The following LAMB1 variants were observed in gnomAD, a reference collection of about 807,000 sequenced individuals.
The protein encoded by LAMB1 is laminin subunit beta-1.
A neutral mutation model predicts 222.3 loss-of-function variants in LAMB1; 121 were observed. The ratio of observed to expected loss-of-function variants is 0.54; its 90% confidence interval spans 0.47 to 0.63. LAMB1 has a LOEUF of 0.63. Among genes scored for constraint, LAMB1 ranks in the 30% least tolerant of loss-of-function variants. The pLI is 0.00. For synonymous variants in LAMB1, 794 were observed against 807.2 expected (o/e 0.98, Z 0.28); for missense variants, 2,172 against 2,240.8 (o/e 0.97, Z 0.62).
At chr7:107,954,180 G>A (rs1357303598) in intron 21 of LAMB1, among the ~76,000 whole-genome samples, 1 of 151,832 alleles carries the variant, frequency 6.6e-6, no homozygotes, top group Non-Finnish European at 1.5e-5. Context: ...TAAGACATGG[G>A]GCCTTGCTTT....
chr7:107,934,316 T>G (rs2032787558), intron 27 of LAMB1, among the ~76,000 whole-genome samples: 1 of 152,216 alleles, frequency 6.6e-6, no homozygotes, highest in South Asian at 2.1e-4. Flanking sequence ...GACAAAGCTG[T>G]AATGAAGTTT....
At chr7:107,925,421 C>A (rs1317308514) in intron 32 of LAMB1, among the ~76,000 whole-genome samples, 1 of 152,046 alleles carries the variant, frequency 6.6e-6, no homozygotes. Flanking sequence ...CTTATGGAAT[C>A]TAATGCCTGA....
intron 8 of LAMB1, among the ~76,000 whole-genome samples, chr7:107,978,903 A>T (rs1180500229): frequency 6.6e-6 from 1 of 152,218 alleles, no homozygotes; most frequent in Non-Finnish European, 1.5e-5. Flanking sequence ...TCCACTAAAT[A>T]TGCATGTATA....
At position 107,980,938 on chromosome 7, in the gene LAMB1, T is replaced by C. The variant is rs1278476579; in HGVS notation, c.677-127A>G. 2.4e-5 allele frequency: 15 copies of C among 618,410 alleles called. No individual in the cohort carries two copies. The East Asian group carries it at 3.3e-4, about 14-fold the overall frequency. The allele number at this position is 618,410 out of a possible 1,614,324, so 38.3% of individuals were successfully genotyped here. A position where few individuals can be genotyped will look rare whatever the true frequency, so the allele number is the denominator to read the frequency against. ...AAAATAGCTTAAGTTCCTCCTCTTGTATGATCTAGATGACTCCAATAGTGA... is the reference window on the plus strand; with the variant it reads ...AAAATAGCTTAAGTTCCTCCTCTTGCATGATCTAGATGACTCCAATAGTGA... On this transcript the variant is annotated intron_variant, in intron 7 of 33. Coordinates refer to ENST00000222399, the MANE Select transcript of LAMB1 (RefSeq NM_002291.3).
Position 107,932,365 on chromosome 7 carries a change from G to T in LAMB1, c.4201C>A (p.Pro1401Thr). ...SAAAEMTCGTPPGASCSETEC... is the reference protein window; with the variant it reads ...SAAAEMTCGTTPGASCSETEC... ...GTCTCGGAACAGGAGGCCCCTGGGG[G>T]TGTTCCACAGGTCTGCAACAAGCCA... is the stretch of plus-strand genomic sequence containing the variant. The change falls in exon 28 of 34, where the codon CCC (proline) becomes ACC (threonine). Residue 1401 changes from proline (P) to threonine (T), a missense_variant. Coordinates refer to ENST00000222399, the MANE Select transcript of LAMB1 (RefSeq NM_002291.3). The T allele has an allele frequency of 1.2e-6, 2 of 1,614,190 alleles. No homozygotes were observed. The highest frequency in any genetic ancestry group is 2.2e-5 in the South Asian group (2 of 91,084).
intron 12 of LAMB1, 34 bp from the exon 13 acceptor site, chr7:107,973,105 G>T: frequency 6.4e-7 from 1 of 1,570,088 alleles, no homozygotes; most frequent in Non-Finnish European, 8.8e-7. Flanking sequence ...GTAACGGTAG[G>T]TTTCTGTAAT....
rs34631145 is a variant in LAMB1 at position 107,925,898 on chromosome 7, TAAA to T, written c.5064+282_5064+284del. On this transcript the variant is annotated intron_variant, in intron 32 of 33. Transcript: ENST00000222399. ...CTGGTTTTTGTCAATATAGTTGGTTTAAAAAAAAAAAAAAAGCCTGTTTTGAGA... is the reference window on the plus strand; with the variant it reads ...CTGGTTTTTGTCAATATAGTTGGTTTAAAAAAAAAAAAGCCTGTTTTGAGA... Among the ~76,000 whole-genome samples, 1,460 of 142,948 alleles carry T rather than the reference TAAA, an allele frequency of 0.01. 12 individuals carry two copies. The highest frequency in any genetic ancestry group is 0.015 in the Non-Finnish European group (1,007 of 66,126). The allele number at this position is 142,948 out of a possible 152,430, so 93.8% of individuals were successfully genotyped here. A position where few individuals can be genotyped will look rare whatever the true frequency, so the allele number is the denominator to read the frequency against.
chr7:107,952,653 T>A (rs574026788), intron 22 of LAMB1, among the ~76,000 whole-genome samples: 60 of 152,334 alleles, frequency 3.9e-4, no homozygotes, highest in Middle Eastern at 6.8e-3. Context: ...CTAAGGCTTT[T>A]AAGGAATCCA....
At chr7:107,964,299 G>T (rs1466412106) in intron 14 of LAMB1, among the ~76,000 whole-genome samples, 1 of 152,142 alleles carries the variant, frequency 6.6e-6, no homozygotes, top group African/African-American at 2.4e-5. Flanking sequence ...GAGAAGAAAA[G>T]TTTCTTGTAA....
chr7:108,000,219 A>G (rs532119119), intron 3 of LAMB1, among the ~76,000 whole-genome samples: 1 of 152,354 alleles, frequency 6.6e-6, no homozygotes, highest in African/African-American at 2.4e-5. Context: ...AAAGTTTAAA[A>G]AAGTTTAATT....
chr7:107,953,887 G>A (rs2033316837), intron 21 of LAMB1, 133 bp from the exon 22 acceptor site: 1 of 711,994 alleles, frequency 1.4e-6, no homozygotes, highest in Non-Finnish European at 2.5e-6. Flanking sequence ...AAAGAGCCCA[G>A]GGTGATCACA....
intron 5 of LAMB1, among the ~76,000 whole-genome samples, chr7:107,993,292 C>G (rs573687726): frequency 3.9e-5 from 6 of 152,260 alleles, no homozygotes; most frequent in African/African-American, 1.4e-4. Context: ...TGCCACCACG[C>G]CTGGCTAATT....
At chr7:107,997,229 C>T (rs1420083220) in intron 4 of LAMB1, among the ~76,000 whole-genome samples, 4 of 152,138 alleles carry the variant, frequency 2.6e-5, no homozygotes, top group Non-Finnish European at 5.9e-5. Flanking sequence ...TGAGACCACC[C>T]TGGCTAACAC....
At chr7:107,993,822 T>A (rs1344338100) in intron 5 of LAMB1, among the ~76,000 whole-genome samples, 1 of 152,122 alleles carries the variant, frequency 6.6e-6, no homozygotes, top group African/African-American at 2.4e-5. Flanking sequence ...CCCACCACTC[T>A]CAATACCAGG....
chr7:107,958,706 A>T (rs1213793340), intron 20 of LAMB1, among the ~76,000 whole-genome samples: 1 of 152,184 alleles, frequency 6.6e-6, no homozygotes, highest in Non-Finnish European at 1.5e-5. Flanking sequence ...TTATGGAGGT[A>T]TATTCTCTCT....
At chr7:107,925,795 T>C (rs906525166) in intron 32 of LAMB1, among the ~76,000 whole-genome samples, 3 of 151,994 alleles carry the variant, frequency 2.0e-5, no homozygotes, top group Non-Finnish European at 4.4e-5. Flanking sequence ...TTGTAAAATA[T>C]TCTCAAATGG....
chr7:107,988,473 T>A (rs2034122596), intron 5 of LAMB1, among the ~76,000 whole-genome samples: 1 of 152,098 alleles, frequency 6.6e-6, no homozygotes, highest in Non-Finnish European at 1.5e-5. Flanking sequence ...ATGGGTAAGA[T>A]AAAGAGAGCC....
In LAMB1 at chr7:107,984,206, C is replaced by T. The variant is rs540686044; in HGVS notation, c.676+1816G>A. 1.6e-4 allele frequency among the ~76,000 whole-genome samples: 24 copies of T among 152,186 alleles called. No homozygotes were observed. In the South Asian group the frequency reaches 4.4e-3, roughly 28 times the overall value. On this transcript the variant is annotated intron_variant, in intron 7 of 33. Transcript: ENST00000222399. ...AGTATAGCCACGTGACTAATTCTGG[C>T]CAATGAGATGTGAGCAGAAGTGACG...
At chr7:107,951,414 T>C in intron 23 of LAMB1, 92 bp from the exon 24 acceptor site, 1 of 1,141,548 alleles carries the variant, frequency 8.8e-7, no homozygotes. Flanking sequence ...GAAGTAGGAA[T>C]GAACTGTTTA....
Sources: gnomAD v4.1 joint callset for allele counts (sites outside exome capture counted in the v4.1 genomes callset) on GRCh38, gnomAD v4.1.1 for gene constraint, MANE v1.5 for transcripts, NCBI Gene and HGNC (gene_info 2026-07-23, HGNC 2026-07-21) for gene names.